Variants in BCAS3 observed in about 807,000 individuals in gnomAD.
The protein encoded by BCAS3 is BCAS4/BCAS3 fusion.
In BCAS3, 53 loss-of-function variants were observed where a neutral mutation model predicts 116.1. That is an observed-to-expected ratio of 0.46 (90% CI 0.37 to 0.57). The LOEUF (loss-of-function observed/expected upper bound fraction) is 0.57, where lower values mean the gene tolerates loss of function less well. Ranked by LOEUF, BCAS3 falls within the 20% of genes least tolerant of loss-of-function variation. The pLI is 0.00. For missense variants in BCAS3, 917 were observed against 1,165.4 expected (o/e 0.79, Z 3.10); for synonymous variants, 391 against 408.2 (o/e 0.96, Z 0.51).
At chr17:60,914,294 A>C (rs1434295751) in intron 12 of BCAS3, among the ~76,000 whole-genome samples, 2 of 152,184 alleles carry the variant, frequency 1.3e-5, no homozygotes, top group African/African-American at 4.8e-5. Flanking sequence ...GCAATGGAGA[A>C]GATTCTTCCA....
chr17:60,930,848 A>G (rs772823266), intron 13 of BCAS3, among the ~76,000 whole-genome samples: 1 of 152,066 alleles, frequency 6.6e-6, no homozygotes, highest in African/African-American at 2.4e-5. Flanking sequence ...AACCAGGCCC[A>G]TAGCCACTTC....
intron 6 of BCAS3, among the ~76,000 whole-genome samples, chr17:60,802,179 G>T (rs1158745710): frequency 1.3e-5 from 2 of 151,440 alleles, no homozygotes; most frequent in Non-Finnish European, 2.9e-5. Flanking sequence ...AGCTACTTGG[G>T]AGGCTGAGGC....
intron 6 of BCAS3, among the ~76,000 whole-genome samples, chr17:60,780,248 A>T (rs112423428): frequency 0.046 from 6,961 of 150,828 alleles, 545 homozygotes; most frequent in African/African-American, 0.15. Context: ...TCGGCCTGCC[A>T]AAGTGCTTGG....
Position 61,110,384 on chromosome 17 carries a change from G to A in BCAS3, c.2425+25820G>A, listed in dbSNP as rs1027098251. ...ACAGTGGGCGCAGGTCAGTGGGTGC[G>A]CGCACCGTGCGCAAGCCGAAGCAGG... On this transcript the variant is annotated intron_variant, in intron 22 of 23. Transcript: ENST00000407086. Among the ~76,000 whole-genome samples, 316 of 152,260 alleles carry A rather than the reference G, an allele frequency of 2.1e-3. 3 individuals carry two copies. Among genetic ancestry groups the A allele is most frequent in the African/African-American group, 6.5e-4 (27 of 41,548 alleles).
In BCAS3 at chr17:61,181,956, C is replaced by G. The variant is rs1406136730; in HGVS notation, c.2425+97392C>G. On this transcript the variant is annotated intron_variant, in intron 22 of 23. Coordinates refer to ENST00000407086, the MANE Select transcript of BCAS3 (RefSeq NM_017679.5). The surrounding 1 kb of genome is among the most constrained non-coding windows in gnomAD (Gnocchi z 5.0). ...CGTCATGATTCTAGCTCATTGCACC[C>G]TCAACCTCTTGGGCTCAAGGGATCT... is the stretch of plus-strand genomic sequence containing the variant. 6.6e-6 allele frequency among the ~76,000 whole-genome samples: 1 copy of G among 152,012 alleles called. No individual in the cohort carries two copies. Among genetic ancestry groups the G allele is most frequent in the Non-Finnish European group, 1.5e-5 (1 of 68,016 alleles).
chr17:60,720,509 T>G (rs2039119350), intron 5 of BCAS3, among the ~76,000 whole-genome samples: 1 of 152,212 alleles, frequency 6.6e-6, no homozygotes, highest in Admixed American at 6.5e-5. Context: ...ACCTAAAATA[T>G]GGCAGTTGTA....
intron 8 of BCAS3, among the ~76,000 whole-genome samples, chr17:60,871,752 A>C (rs1041827811): frequency 3.3e-5 from 5 of 151,856 alleles, no homozygotes; most frequent in Admixed American, 2.0e-4. Context: ...AGGGGTAATT[A>C]TCTATAATCC....
chr17:61,154,493 TGGG>T (rs376015518), intron 22 of BCAS3, among the ~76,000 whole-genome samples: 30 of 151,744 alleles, frequency 2.0e-4, no homozygotes, highest in African/African-American at 6.8e-4. Flanking sequence ...TGGAGTGCAG[TGGG>T]GGGATCATGG....
rs745418063 is a variant in BCAS3, at chr17:61,217,237, C to T, written c.2425+132673C>T. On this transcript the variant is annotated intron_variant, in intron 22 of 23. Transcript: ENST00000407086. The surrounding 1 kb of genome is among the most constrained non-coding windows in gnomAD (Gnocchi z 5.2). ...GGCGGAGGTTGCAGTGAGCTGAGAT[C>T]GTGCCACTGCACTCCAGCCTGAGTG... 3.3e-5 allele frequency among the ~76,000 whole-genome samples: 5 copies of T among 152,090 alleles called. No individual in the cohort carries two copies. The highest frequency in any genetic ancestry group is 7.2e-5 in the African/African-American group (3 of 41,400).
intron 23 of BCAS3, among the ~76,000 whole-genome samples, chr17:61,373,377 A>G (rs1049451910): frequency 6.6e-6 from 1 of 151,710 alleles, no homozygotes; most frequent in African/African-American, 2.4e-5. Context: ...GGCATGAACC[A>G]TGGTGCCTGG....
chr17:60,989,862 A>C, intron 14 of BCAS3, 109 bp from the exon 15 acceptor site: 1 of 1,207,552 alleles, frequency 8.3e-7, no homozygotes, highest in South Asian at 1.5e-5. Context: ...TCTTAGGTAC[A>C]TTTGGTAATG....
intron 19 of BCAS3, among the ~76,000 whole-genome samples, chr17:61,062,256 G>A (rs796141348): frequency 1.1e-4 from 17 of 151,992 alleles, no homozygotes; most frequent in African/African-American, 3.4e-4. Flanking sequence ...TAAATCCTCC[G>A]TATCTCCCAA....
chr17:60,771,452 T>G (rs1225690428), intron 6 of BCAS3, among the ~76,000 whole-genome samples: 1 of 152,214 alleles, frequency 6.6e-6, no homozygotes, highest in Non-Finnish European at 1.5e-5. Flanking sequence ...AAATTTCCTT[T>G]ACCTTAAATC....
chr17:61,078,130 G>A (rs2072205670), intron 20 of BCAS3, among the ~76,000 whole-genome samples: 1 of 152,168 alleles, frequency 6.6e-6, no homozygotes, highest in South Asian at 2.1e-4. Flanking sequence ...GGCTTATGTT[G>A]ATGAAAAGCA....
chr17:60,988,577 T>G lies in BCAS3; in HGVS notation c.1222-1394T>G, dbSNP rs140331525. Among the ~76,000 whole-genome samples the G allele has an allele frequency of 1.2e-4, 18 of 152,116 alleles. No individual in the cohort carries two copies. In the East Asian group the frequency reaches 2.9e-3, roughly 24 times the overall value. On this transcript the variant is annotated intron_variant, in intron 14 of 23. Transcript: ENST00000407086. ...ATTACATCTTCAGTCGCATTACTTG[T>G]TACTGGTTTATTCAGGTTTTGGATA...
At chr17:61,049,474 G>C (rs1258951825) in intron 19 of BCAS3, among the ~76,000 whole-genome samples, 1 of 151,776 alleles carries the variant, frequency 6.6e-6, no homozygotes, top group Non-Finnish European at 1.5e-5. Context: ...TTCTGAAGAA[G>C]GGGTGGTGGG....
chr17:61,138,475 A>G (rs1400520685), intron 22 of BCAS3, among the ~76,000 whole-genome samples: 1 of 152,206 alleles, frequency 6.6e-6, no homozygotes, highest in Non-Finnish European at 1.5e-5. Context: ...CACAGACCAA[A>G]TTACTCTGCT....
rs1182475386 is a variant in BCAS3 at position 61,045,823 on chromosome 17, T to TTC, written c.2029+4957_2029+4958dup. On this transcript the variant is annotated intron_variant, in intron 19 of 23. Coordinates refer to ENST00000407086, the MANE Select transcript of BCAS3 (RefSeq NM_017679.5). ...AGAGTGAGTGAGACTTCATCTCTCT[T>TTC]TCTCTCTCTCTCTCTCTCTCTCTCT... Among the ~76,000 whole-genome samples the TTC allele has an allele frequency of 5.5e-3, 191 of 34,598 alleles. 6 individuals carry two copies. Among genetic ancestry groups the TTC allele is most frequent in the African/African-American group, 0.017 (65 of 3,852 alleles). The allele number at this position is 34,598 out of a possible 152,430, so 22.7% of individuals were successfully genotyped here.
intron 9 of BCAS3, among the ~76,000 whole-genome samples, chr17:60,880,172 A>T (rs1282419800): frequency 6.6e-6 from 1 of 152,238 alleles, no homozygotes; most frequent in Non-Finnish European, 1.5e-5. Flanking sequence ...ATAAAACCTT[A>T]TGAGAGTCCT....
Sources: allele counts gnomAD v4.1 joint callset (sites outside exome capture counted in the v4.1 genomes callset), GRCh38; gene constraint gnomAD v4.1.1; non-coding constraint Gnocchi (gnomAD v3.1); transcripts MANE v1.5; gene names NCBI Gene and HGNC (gene_info 2026-07-23, HGNC 2026-07-21).